USP36: variants seen among roughly 807,000 people sequenced by gnomAD.
USP36 encodes the protein ubiquitin specific peptidase 36, also known as ubiquitin carboxyl-terminal hydrolase 36.
In USP36, 59 loss-of-function variants were observed where a neutral mutation model predicts 111.5. The ratio of observed to expected loss-of-function variants is 0.53; its 90% confidence interval spans 0.43 to 0.66. The LOEUF (loss-of-function observed/expected upper bound fraction) is 0.66. Ranked by LOEUF, USP36 falls within the 30% of genes least tolerant of loss-of-function variation. The pLI is 0.00. For synonymous variants in USP36, 628 were observed against 581.0 expected, an observed-to-expected ratio of 1.08 and a Z score of -1.16; for missense variants, 1,488 against 1,468.0, an observed-to-expected ratio of 1.01 and a Z score of -0.22.
At chr17:78,826,719 G>T (rs1350136192) in intron 6 of USP36, 11 of 213,524 alleles carry the variant, frequency 5.2e-5, no homozygotes, top group African/African-American at 2.5e-4. Flanking sequence ...TCACATATAA[G>T]GGCTTACGTG....
At chr17:78,807,717 T>C in intron 13 of USP36, 81 bp from the exon 14 acceptor site, 6 of 1,377,580 alleles carry the variant, frequency 4.4e-6, no homozygotes, top group African/African-American at 1.4e-5. Context: ...CCACAGTGAA[T>C]CTTAGTAGCA....
At chr17:78,799,892 TTTTTTTTTTTTTTA>T in intron 17 of USP36, 124 bp from the exon 18 acceptor site, 1 of 643,106 alleles carries the variant, frequency 1.6e-6, no homozygotes, top group Non-Finnish European at 2.4e-6. Context: ...TTTTTTTTTT[TTTTTTTTTTTTTTA>T]AAGACAGGGT....
rs1166886361 is a variant in USP36, at chr17:78,807,127, A to G, written c.1917T>C (p.Asp639=). The part of the protein sequence containing the change: ...TPRSGAAHLC[D]SQETNCSTAG... ...CGGTGGAACAGTTCGTTTCCTGAGA[A>G]TCGCAGAGATGGGCCGCTCCACTCC... The change falls in exon 14 of 21, where the codon GAT becomes GAC. Residue 639 remains aspartate, a synonymous_variant. Coordinates refer to ENST00000449938, the MANE Select transcript of USP36 (RefSeq NM_001385174.1). 19 of 1,614,198 alleles carry G rather than the reference A, an allele frequency of 1.2e-5. No individual in the cohort carries two copies. The highest frequency in any genetic ancestry group is 1.6e-5 in the Non-Finnish European group (19 of 1,180,034).
At chr17:78,818,644 G>A (rs750939157) in intron 10 of USP36, 23 bp downstream of exon 10, 2 of 1,607,750 alleles carry the variant, frequency 1.2e-6, no homozygotes, top group Admixed American at 1.7e-5. Flanking sequence ...GGAGCTGCCT[G>A]GGATGGTGTC....
chr17:78,804,459 C>CAA (rs1178119637), intron 15 of USP36, among the ~76,000 whole-genome samples: 1,183 of 58,772 alleles, frequency 0.02, 26 homozygotes, highest in African/African-American at 0.073. Flanking sequence ...GACTCCGTCT[C>CAA]AAAAAAAAAA....
intron 6 of USP36, among the ~76,000 whole-genome samples, chr17:78,824,010 C>T (rs1339207376): frequency 6.6e-6 from 1 of 152,314 alleles, no homozygotes; most frequent in Admixed American, 6.5e-5. Flanking sequence ...AGAAAACAGA[C>T]ATGATGCCAA....
intron 4 of USP36, among the ~76,000 whole-genome samples, chr17:78,832,231 G>C (rs1436594669): frequency 1.3e-5 from 2 of 152,310 alleles, no homozygotes; most frequent in African/African-American, 4.8e-5. Context: ...AGACAGTCCA[G>C]CCTACGGCAG....
At position 78,821,200 on chromosome 17, in the gene USP36, C is replaced by A. The variant is rs143016615; in HGVS notation, c.758-139G>T. 3 of 717,754 alleles carry A rather than the reference C, an allele frequency of 4.2e-6. No homozygotes were observed. In the African/African-American group the frequency reaches 5.4e-5, roughly 13 times the overall value. 44.5% of individuals were successfully genotyped at this position (717,754 alleles called of 1,614,324 possible). On this transcript the variant is annotated intron_variant, in intron 7 of 20. Coordinates refer to ENST00000449938, the MANE Select transcript of USP36 (RefSeq NM_001385174.1). Reference sequence around the variant, plus strand: ...AGATTCCCACTAGCCCCTGAAGCATCCTGGTGTCCGAACAGAGAGCTCTCT... The same window carrying A: ...AGATTCCCACTAGCCCCTGAAGCATACTGGTGTCCGAACAGAGAGCTCTCT...
At chr17:78,804,483 CAAAAACAAAAACAA>C (rs1310537748) in intron 15 of USP36, among the ~76,000 whole-genome samples, 2 of 52,868 alleles carry the variant, frequency 3.8e-5, no homozygotes, top group Non-Finnish European at 8.5e-5. Flanking sequence ...ACCAAAAAAA[CAAAAACAAAAACAA>C]AAAAAAAAAA....
chr17:78,815,028 G>A (rs1230065894), intron 10 of USP36, among the ~76,000 whole-genome samples: 1 of 150,514 alleles, frequency 6.6e-6, no homozygotes, highest in Non-Finnish European at 1.5e-5. Flanking sequence ...GCTCCCCCAG[G>A]CAATGATTAA....
intron 3 of USP36, among the ~76,000 whole-genome samples, chr17:78,789,402 C>T (rs2093563792): frequency 6.6e-6 from 1 of 151,904 alleles, no homozygotes; most frequent in African/African-American, 2.4e-5. Context: ...GCCTTTAATT[C>T]AGGGTTCTTC....
At chr17:78,815,528 C>T (rs917405541) in intron 10 of USP36, among the ~76,000 whole-genome samples, 10 of 152,188 alleles carry the variant, frequency 6.6e-5, no homozygotes, top group South Asian at 2.1e-4. Context: ...TTTTCTTTCC[C>T]TCCACTTTAC....
chr17:78,826,854 T>C, intron 6 of USP36: 1 of 560,564 alleles, frequency 1.8e-6, no homozygotes, highest in South Asian at 2.2e-5. Flanking sequence ...ACCTCATTCC[T>C]ACCACCCCAA....
intron 9 of USP36, chr17:78,819,067 G>A (rs1055737172): frequency 6.9e-5 from 18 of 261,706 alleles, no homozygotes; most frequent in Admixed American, 5.0e-5. Flanking sequence ...GTTGCTTTGG[G>A]CCAACACAGG....
Position 78,831,053 on chromosome 17 carries a change from C to T in USP36, c.476-2046G>A, listed in dbSNP as rs527885068. Among the ~76,000 whole-genome samples, 24 of 151,010 alleles carry T rather than the reference C, an allele frequency of 1.6e-4. 1 individual carries two copies. In the South Asian group the frequency reaches 3.4e-3, roughly 21 times the overall value. ...CATCCTGGCTTACACAGTGAAACCC[C>T]GTCTCTACTACAAATACAAACAATT... is the stretch of plus-strand genomic sequence containing the variant. On this transcript the variant is annotated intron_variant, in intron 4 of 20. Coordinates refer to ENST00000449938, the MANE Select transcript of USP36 (RefSeq NM_001385174.1).
rs138210943 is a variant in USP36 at position 78,805,289 on chromosome 17, G to A, written c.2216+867C>T. On this transcript the variant is annotated intron_variant, in intron 15 of 20. Transcript: ENST00000449938. ...GAATCTTTTCCAAAAAAGCTTATAA[G>A]GCAAGAAACGAAAAACACCCAAACA... Among the ~76,000 whole-genome samples, 858 of 152,280 alleles carry A rather than the reference G, an allele frequency of 5.6e-3. 8 individuals carry two copies. Among genetic ancestry groups the A allele is most frequent in the African/African-American group, 0.019 (782 of 41,554 alleles).
At chr17:78,810,038 G>C (rs2094011022) in intron 13 of USP36, among the ~76,000 whole-genome samples, 1 of 152,066 alleles carries the variant, frequency 6.6e-6, no homozygotes. Flanking sequence ...GTAGAGACAG[G>C]GTCTCACCAT....
intron 7 of USP36, chr17:78,821,409 TATATATATA>T (rs1277889115): frequency 3.1e-5 from 2 of 65,214 alleles, no homozygotes; most frequent in African/African-American, 8.2e-5. Flanking sequence ...TATATATATA[TATATATATA>T]TATTTTTTTT....
intron 10 of USP36, among the ~76,000 whole-genome samples, chr17:78,817,393 G>A (rs1278173458): frequency 6.6e-6 from 1 of 152,162 alleles, no homozygotes; most frequent in Admixed American, 6.6e-5. Flanking sequence ...GGAAACGGAG[G>A]CTCAGCCAAG....
Sources: gnomAD v4.1 joint callset for allele counts (sites outside exome capture counted in the v4.1 genomes callset) on GRCh38, gnomAD v4.1.1 for gene constraint, MANE v1.5 for transcripts, NCBI Gene and HGNC (gene_info 2026-07-23, HGNC 2026-07-21) for gene names.